Variants in MUC4 observed in about 807,000 individuals in gnomAD.
The protein encoded by MUC4 is mucin 4, cell surface associated.
In MUC4, 202 loss-of-function variants were observed where a neutral mutation model predicts 257.9. The observed-to-expected ratio is 0.78, with a 90% CI of 0.70 to 0.88. The LOEUF is 0.88. Among genes scored for constraint, MUC4 ranks in the 40% least tolerant of loss-of-function variants. The pLI is 0.00. For synonymous variants in MUC4, 2,351 were observed against 2,757.1 expected (o/e 0.85, Z 4.62); for missense variants, 5,976 against 6,513.7 (o/e 0.92, Z 2.84).
rs1185158971 is a variant in MUC4 at position 195,783,028 on chromosome 3, A to T, written c.8552T>A (p.Val2851Asp). ...ASSGHTTPLPVTDASSVSTGH... is the reference protein window; with the variant it reads ...ASSGHTTPLPDTDASSVSTGH... ...TGTGGACACTGAGGAAGCGTCGGTGACAGGAAGAGGGGTGGTGTGACCTGA... is the reference window on the plus strand; with the variant it reads ...TGTGGACACTGAGGAAGCGTCGGTGTCAGGAAGAGGGGTGGTGTGACCTGA... The change falls in exon 2 of 25, where the codon GTC becomes GAC. Residue 2851 changes from valine (V) to aspartate (D), a missense_variant. By Grantham distance (152) the Val-to-Asp change is radical. Transcript: ENST00000463781. The T allele has an allele frequency of 5.1e-6, 6 of 1,177,484 alleles. No homozygotes were observed. The highest frequency in any genetic ancestry group is 6.9e-6 in the Non-Finnish European group (6 of 871,414). 72.9% of individuals were successfully genotyped at this position (1,177,484 alleles called of 1,614,324 possible).
At position 195,780,673 on chromosome 3, in the gene MUC4, G is replaced by T. The variant is rs1180617279; in HGVS notation, c.10907C>A (p.Thr3636Asn). 2 of 1,521,124 alleles carry T rather than the reference G, an allele frequency of 1.3e-6. No individual in the cohort carries two copies. The highest frequency in any genetic ancestry group is 1.8e-5 in the African/African-American group (1 of 55,926). 94.2% of individuals were successfully genotyped at this position (1,521,124 alleles called of 1,614,324 possible). ...ACCTGTGGATACTGAGGAAAGGCTG[G>T]TGACAGGAAGAGGGGTGGCCTGACC... ...STGQATPLPV[T>N]SLSSVSTGDT... The change falls in exon 2 of 25, where the codon ACC (threonine) becomes AAC (asparagine). Residue 3636 changes from threonine (T) to asparagine (N), a missense_variant. By Grantham distance (65) the Thr-to-Asn change is moderately conservative. Around this residue, in one of 44 missense-constraint regions of MUC4, gnomAD observed 59 missense variants for 149.8 expected, o/e 0.39. Coordinates refer to ENST00000463781, the MANE Select transcript of MUC4 (RefSeq NM_018406.7).
chr3:195,764,610 A>G (rs1720015528), intron 10 of MUC4, among the ~76,000 whole-genome samples: 1 of 151,958 alleles, frequency 6.6e-6, no homozygotes. Context: ...ACGGGAGGAC[A>G]CAGACCACGT....
chr3:195,811,858 A>G lies in MUC4; in HGVS notation c.-41T>C. 1.3e-6 allele frequency: 2 copies of G among 1,596,016 alleles called. No homozygotes were observed. Among genetic ancestry groups the G allele is most frequent in the Non-Finnish European group, 1.7e-6 (2 of 1,165,286 alleles). ...CCCCCTGGCTCCCTGGGGAAGCTCC[A>G]CGGCCCAGCAGCTGCAGTGTGAGGA... is the stretch of plus-strand genomic sequence containing the variant. On this transcript the variant is annotated 5_prime_UTR_variant, in exon 1 of 25. Coordinates refer to ENST00000463781, the MANE Select transcript of MUC4 (RefSeq NM_018406.7).
chr3:195,754,069 C>T, intron 19 of MUC4, 144 bp downstream of exon 19: 2 of 1,151,924 alleles, frequency 1.7e-6, no homozygotes, highest in East Asian at 2.5e-5. Context: ...CCCACACCTG[C>T]CTAGATTTCC....
At chr3:195,751,161 G>A in intron 22 of MUC4, 46 bp downstream of exon 22, 1 of 699,724 alleles carries the variant, frequency 1.4e-6, no homozygotes, top group Non-Finnish European at 2.4e-6. Flanking sequence ...GGGGGTGGGG[G>A]ATGAGGAAGA....
rs1301078486 is a variant in MUC4, at chr3:195,780,405, G to A, written c.11175C>T (p.His3725=). 5.8e-5 allele frequency: 89 copies of A among 1,534,182 alleles called. No individual in the cohort carries two copies. In the African/African-American group the frequency reaches 1.2e-3, roughly 20 times the overall value. Residue 3725 remains histidine (H), a synonymous_variant, in exon 2 of 25, where the codon CAC becomes CAT. Coordinates refer to ENST00000463781, the MANE Select transcript of MUC4 (RefSeq NM_018406.7). The part of the protein sequence containing the change: ...VTSTSSVSTG[H]VTPLHVTSPS... ...GGCTGGTGACATGAAGAGGGGTGAC[G>A]TGACCTGTAGATACTGAGGAAGTGC...
intron 1 of MUC4, among the ~76,000 whole-genome samples, chr3:195,800,603 C>G (rs1468246791): frequency 6.6e-6 from 1 of 152,168 alleles, no homozygotes; most frequent in Non-Finnish European, 1.5e-5. Flanking sequence ...GATTATTCAG[C>G]TGTTTAGGAA....
At position 195,755,733 on chromosome 3, in the gene MUC4, T is replaced by C. The variant is rs558605517; in HGVS notation, c.15169-1361A>G. On this transcript the variant is annotated intron_variant, in intron 18 of 24. Transcript: ENST00000463781. The surrounding 1 kb of genome is among the most constrained non-coding windows in gnomAD (Gnocchi z 5.0). ...ATTTGGGGATCTGTGGAATAGTATA[T>C]TGATTTCAATCTCTTTTTCCCATTG... Among the ~76,000 whole-genome samples, 1 of 152,332 alleles carries C rather than the reference T, an allele frequency of 6.6e-6. No homozygotes were observed. The highest frequency in any genetic ancestry group is 1.5e-5 in the Non-Finnish European group (1 of 68,024).
chr3:195,762,342 C>T, intron 13 of MUC4, 88 bp from the exon 14 acceptor site: 2 of 1,381,520 alleles, frequency 1.4e-6, no homozygotes, highest in South Asian at 2.8e-5. Flanking sequence ...GCACCACCCC[C>T]ACCCCGCCCC....
intron 1 of MUC4, among the ~76,000 whole-genome samples, chr3:195,792,574 G>A (rs1161179792): frequency 1.3e-5 from 2 of 152,282 alleles, no homozygotes; most frequent in East Asian, 1.9e-4. Flanking sequence ...ACAGTGTGGC[G>A]ATTCCTCAAG....
intron 23 of MUC4, 112 bp downstream of exon 23, chr3:195,750,777 A>C: frequency 9.3e-7 from 1 of 1,074,446 alleles, no homozygotes; most frequent in Non-Finnish European, 1.3e-6. Flanking sequence ...GTTTTCGCTC[A>C]AAACCAAACA....
intron 4 of MUC4, among the ~76,000 whole-genome samples, chr3:195,772,910 G>A (rs1723374254): frequency 3.7e-5 from 5 of 134,000 alleles, no homozygotes; most frequent in African/African-American, 5.9e-5. Context: ...CATCGCTCAG[G>A]GGTGTAGACA....
At position 195,780,906 on chromosome 3, in the gene MUC4, A is replaced by G. The variant is rs751549667; in HGVS notation, c.10674T>C (p.Ala3558=). ...GDTTPLPVTD[A]SSASTGQATP... ...TGGCCTGACCTGTGGATGCCGAGGA[A>G]GCGTCGGTGACAGGAAGAGGGGTGG... The change falls in exon 2 of 25, where the codon GCT becomes GCC. Residue 3558 remains alanine, a synonymous_variant. Coordinates refer to ENST00000463781, the MANE Select transcript of MUC4 (RefSeq NM_018406.7). The G allele has an allele frequency of 6.6e-7, 1 of 1,513,062 alleles. No individual in the cohort carries two copies. Among genetic ancestry groups the G allele is most frequent in the Non-Finnish European group, 8.9e-7 (1 of 1,125,502 alleles). The allele number at this position is 1,513,062 out of a possible 1,614,324, so 93.7% of individuals were successfully genotyped here. A position where few individuals can be genotyped will look rare whatever the true frequency, so the allele number is the denominator to read the frequency against.
At position 195,789,209 on chromosome 3, in the gene MUC4, C is replaced by T; in HGVS notation, c.2371G>A (p.Ala791Thr). ...GAGGTGGTTCGTGACCCTGAGGAGG[C>T]CGGTTCGCTGGTCTGTGTTTGTCCA... is the stretch of plus-strand genomic sequence containing the variant. ...ASGQTQTSEP[A>T]SSGSRTTSAG... The change falls in exon 2 of 25, where the codon GCC becomes ACC. Residue 791 changes from alanine (A) to threonine (T), a missense_variant. By Grantham distance (58) the Ala-to-Thr change is moderately conservative. Coordinates refer to ENST00000463781, the MANE Select transcript of MUC4 (RefSeq NM_018406.7). 6.2e-7 allele frequency: 1 copy of T among 1,613,808 alleles called. No homozygotes were observed.
intron 1 of MUC4, among the ~76,000 whole-genome samples, chr3:195,792,305 C>G (rs1372643077): frequency 6.6e-6 from 1 of 152,070 alleles, no homozygotes; most frequent in Non-Finnish European, 1.5e-5. Flanking sequence ...ACAACCCCAT[C>G]AAAAAGCAGG....
chr3:195,790,544 G>A lies in MUC4; in HGVS notation c.1036C>T (p.Pro346Ser). Residue 346 changes from proline (P) to serine (S), a missense_variant, in exon 2 of 25, where the codon CCG becomes TCG. Transcript: ENST00000463781. ...GATAAAACAGTTGATGTTGTAACCG[G>A]TGTGAGGGTGTTGAGGGTGTTGATT... ...SQINTLNTLTPVTTSTVLSSP... is the reference protein window; with the variant it reads ...SQINTLNTLTSVTTSTVLSSP... 1 of 1,613,996 alleles carries A rather than the reference G, an allele frequency of 6.2e-7. No homozygotes were observed. The highest frequency in any genetic ancestry group is 8.5e-7 in the Non-Finnish European group (1 of 1,179,870).
Position 195,751,268 on chromosome 3 carries a change from C to T in MUC4, c.15586G>A (p.Ala5196Thr). 1.2e-6 allele frequency: 2 copies of T among 1,604,734 alleles called. No homozygotes were observed. Among genetic ancestry groups the T allele is most frequent in the Non-Finnish European group, 1.7e-6 (2 of 1,175,954 alleles). ...ASMAEVNASV[A>T]YRLGTLDMRA... Reference sequence around the variant, plus strand: ...ATGTCCAGGGTCCCCAGTCTGTATGCCACCTAGGTTAGAGGATGGCAGATG... The same window carrying T: ...ATGTCCAGGGTCCCCAGTCTGTATGTCACCTAGGTTAGAGGATGGCAGATG... Residue 5196 changes from alanine to threonine, a missense_variant, in exon 22 of 25, where the codon GCA (alanine) becomes ACA (threonine). This residue lies in a region of MUC4 where 996 missense variants were observed against 1,137.3 expected (regional missense o/e 0.88). Coordinates refer to ENST00000463781, the MANE Select transcript of MUC4 (RefSeq NM_018406.7).
chr3:195,790,883 C>G lies in MUC4; in HGVS notation c.697G>C (p.Gly233Arg). Residue 233 changes from glycine (G) to arginine (R), a missense_variant, in exon 2 of 25, where the codon GGG becomes CGG. Coordinates refer to ENST00000463781, the MANE Select transcript of MUC4 (RefSeq NM_018406.7). ...GGAGATGTCTTCTGAGAAACAGTCC[C>G]TGTCACATTGTGTACACTTGGAGAG... ...SFSPSVHNVT[G>R]TVSQKTSPSG... 1 of 1,613,966 alleles carries G rather than the reference C, an allele frequency of 6.2e-7. No homozygotes were observed. Among genetic ancestry groups the G allele is most frequent in the Non-Finnish European group, 8.5e-7 (1 of 1,179,884 alleles).
At chr3:195,763,323 C>A in intron 12 of MUC4, 110 bp downstream of exon 12, 1 of 1,154,188 alleles carries the variant, frequency 8.7e-7, no homozygotes. Flanking sequence ...TCCTCCCTCC[C>A]TCCTGCCCGG....
Sources: allele counts gnomAD v4.1 joint callset (sites outside exome capture counted in the v4.1 genomes callset), GRCh38; gene constraint gnomAD v4.1.1; regional missense constraint gnomAD v4.1.1; non-coding constraint Gnocchi (gnomAD v3.1); transcripts MANE v1.5; gene names NCBI Gene and HGNC (gene_info 2026-07-23, HGNC 2026-07-21).